PEMT: variants seen among roughly 807,000 people sequenced by gnomAD.
The protein encoded by PEMT is phospholipid methyltransferase.
A neutral mutation model predicts 27.4 loss-of-function variants in PEMT; 23 were observed. That is an observed-to-expected ratio of 0.84 (90% CI 0.60 to 1.19). The LOEUF (loss-of-function observed/expected upper bound fraction) is 1.19, where lower values mean the gene tolerates loss of function less well. PEMT is among the 50% of genes most tolerant of loss of function. The pLI, the probability that PEMT is intolerant of heterozygous loss-of-function variation, is 0.00. For missense variants in PEMT, 307 were observed against 310.1 expected, an observed-to-expected ratio of 0.99 and a Z score of 0.07; for synonymous variants, 137 against 139.1, an observed-to-expected ratio of 0.98 and a Z score of 0.11.
At chr17:17,584,322 G>A (rs553185135) in intron 1 of PEMT, among the ~76,000 whole-genome samples, 238 of 152,266 alleles carry the variant, frequency 1.6e-3, no homozygotes, top group African/African-American at 5.5e-3. Context: ...ACCATGCCCA[G>A]CTATTTTTTT....
intron 1 of PEMT, 102 bp from the exon 2 acceptor site, chr17:17,577,129 C>A: frequency 1.2e-6 from 1 of 828,246 alleles, no homozygotes; most frequent in Admixed American, 2.0e-5. Context: ...CACTGGGAGG[C>A]CTGGGAACAT....
intron 2 of PEMT, among the ~76,000 whole-genome samples, chr17:17,527,482 T>A (rs1907757496): frequency 6.6e-6 from 1 of 152,236 alleles, no homozygotes; most frequent in Non-Finnish European, 1.5e-5. Flanking sequence ...CACCGGCTCC[T>A]CTACTTGCAG....
At chr17:17,575,685 G>A (rs969504903) in intron 2 of PEMT, among the ~76,000 whole-genome samples, 9 of 152,192 alleles carry the variant, frequency 5.9e-5, no homozygotes, top group Non-Finnish European at 8.8e-5. Context: ...AGGGGTGTCC[G>A]GGAGGCCTGT....
At chr17:17,538,719 C>T (rs1046866298) in intron 2 of PEMT, among the ~76,000 whole-genome samples, 3 of 152,184 alleles carry the variant, frequency 2.0e-5, no homozygotes, top group Non-Finnish European at 4.4e-5. Context: ...ATAAAACAAA[C>T]CCACCTGTAC....
At chr17:17,573,901 C>T (rs1192168446) in intron 2 of PEMT, among the ~76,000 whole-genome samples, 1 of 152,148 alleles carries the variant, frequency 6.6e-6, no homozygotes, top group African/African-American at 2.4e-5. Context: ...CCTACCTCAG[C>T]CAACCCAGTA....
chr17:17,550,096 CAG>C (rs1307227063), intron 2 of PEMT, among the ~76,000 whole-genome samples: 2 of 152,210 alleles, frequency 1.3e-5, no homozygotes, highest in Admixed American at 1.3e-4. Context: ...GGGCTGGGCA[CAG>C]AGACTCTCTC....
At position 17,523,995 on chromosome 17, in the gene PEMT, T is replaced by C. The variant is rs527753910; in HGVS notation, c.205-1600A>G. Among the ~76,000 whole-genome samples the C allele has an allele frequency of 5.3e-5, 8 of 152,292 alleles. No individual in the cohort carries two copies. In the South Asian group the frequency reaches 1.2e-3, roughly 24 times the overall value. On this transcript the variant is annotated intron_variant, in intron 2 of 6. Transcript: ENST00000255389. This position sits in a 1 kb window ranked among gnomAD's most constrained non-coding sequence, Gnocchi z 4.8. Reference sequence around the variant, plus strand: ...GGATTCACCTATTCTGGACGTTTCATATAAACTGAATCACACACTACATGG... The same window carrying C: ...GGATTCACCTATTCTGGACGTTTCACATAAACTGAATCACACACTACATGG...
intron 2 of PEMT, among the ~76,000 whole-genome samples, chr17:17,548,003 C>G (rs1909378039): frequency 6.6e-6 from 1 of 152,188 alleles, no homozygotes; most frequent in Non-Finnish European, 1.5e-5. Flanking sequence ...CGCAGGCCAC[C>G]CCAAAGAAAT....
At chr17:17,545,286 G>A (rs1057309105) in intron 2 of PEMT, among the ~76,000 whole-genome samples, 16 of 152,282 alleles carry the variant, frequency 1.1e-4, no homozygotes, top group African/African-American at 3.6e-4. Flanking sequence ...TCACCGTCCT[G>A]GCGTCCCAGC....
intron 1 of PEMT, among the ~76,000 whole-genome samples, chr17:17,581,865 G>T (rs1911997414): frequency 6.6e-6 from 1 of 152,164 alleles, no homozygotes; most frequent in African/African-American, 2.4e-5. Flanking sequence ...TGGAATTCTA[G>T]GCAGCAGAGG....
intron 5 of PEMT, chr17:17,507,012 G>GC (rs1905916791): frequency 2.8e-6 from 2 of 711,332 alleles, no homozygotes; most frequent in Admixed American, 4.4e-5. Flanking sequence ...ATGGAGCATC[G>GC]CCAGGGGCTC....
intron 2 of PEMT, among the ~76,000 whole-genome samples, chr17:17,568,253 C>T (rs934034428): frequency 2.0e-5 from 3 of 152,248 alleles, no homozygotes; most frequent in Non-Finnish European, 4.4e-5. Flanking sequence ...GGGCCAAGTG[C>T]TGCCCTGCCT....
Position 17,540,091 on chromosome 17 carries a change from G to A in PEMT, c.205-17696C>T, listed in dbSNP as rs192467345. 1.1e-4 allele frequency among the ~76,000 whole-genome samples: 16 copies of A among 152,322 alleles called. 1 individual carries two copies. The East Asian group carries it at 2.7e-3, about 26-fold the overall frequency. Reference sequence around the variant, plus strand: ...AATCTGAGTTGAACCTGGAAGCAACGCCCCAAGGGAAGGGGCCAAAATGGG... The same window carrying A: ...AATCTGAGTTGAACCTGGAAGCAACACCCCAAGGGAAGGGGCCAAAATGGG... On this transcript the variant is annotated intron_variant, in intron 2 of 6. Transcript: ENST00000255389.
intron 2 of PEMT, among the ~76,000 whole-genome samples, chr17:17,551,523 C>A (rs1395883917): frequency 6.6e-6 from 1 of 152,092 alleles, no homozygotes; most frequent in Non-Finnish European, 1.5e-5. Context: ...GACAAGCTGG[C>A]GTGGGAGTGG....
chr17:17,510,994 T>G (rs1014015456), intron 4 of PEMT, among the ~76,000 whole-genome samples: 5 of 152,036 alleles, frequency 3.3e-5, no homozygotes, highest in Admixed American at 2.6e-4. Context: ...GAGCCCCACC[T>G]CTGATCCTGG....
In PEMT at chr17:17,585,135, C is replaced by G. The variant is rs528094089; in HGVS notation, c.96+6396G>C. On this transcript the variant is annotated intron_variant, in intron 1 of 6. Coordinates refer to ENST00000255389, the MANE Select transcript of PEMT (RefSeq NM_148172.3). ...GGTGGATCACCTGAGGTCAGGAGTT[C>G]AAGACTAGCCTAGCCGATATGGTGA... 2.0e-5 allele frequency among the ~76,000 whole-genome samples: 3 copies of G among 152,228 alleles called. No individual in the cohort carries two copies. In the East Asian group the frequency reaches 5.8e-4, roughly 29 times the overall value.
chr17:17,529,259 T>G (rs1480375124), intron 2 of PEMT, among the ~76,000 whole-genome samples: 1 of 152,222 alleles, frequency 6.6e-6, no homozygotes, highest in East Asian at 1.9e-4. Context: ...CCACCTGTCC[T>G]GCCAGGTGTG....
intron 2 of PEMT, among the ~76,000 whole-genome samples, chr17:17,532,060 G>A (rs1195896515): frequency 6.6e-6 from 1 of 152,000 alleles, no homozygotes; most frequent in Non-Finnish European, 1.5e-5. Context: ...TTTTTTCAAT[G>A]GGCAGAAAAA....
intron 2 of PEMT, among the ~76,000 whole-genome samples, chr17:17,530,277 C>G (rs10401038): frequency 0.13 from 19,746 of 152,182 alleles, 2,268 homozygotes; most frequent in African/African-American, 0.31. Context: ...GGGCGGATCA[C>G]CTGAGGTCAG....
Sources: gnomAD v4.1 joint callset for allele counts (sites outside exome capture counted in the v4.1 genomes callset) on GRCh38, gnomAD v4.1.1 for gene constraint, Gnocchi (gnomAD v3.1) non-coding constraint, MANE v1.5 for transcripts, NCBI Gene and HGNC (gene_info 2026-07-23, HGNC 2026-07-21) for gene names.